The following FBXW7 variants were observed in gnomAD, a reference collection of about 807,000 sequenced individuals.
The protein encoded by FBXW7 is F-box/WD repeat-containing protein 7.
In FBXW7, 11 loss-of-function variants were observed where a neutral mutation model predicts 86.3. The observed-to-expected ratio is 0.13, with a 90% CI of 0.08 to 0.21. The LOEUF (loss-of-function observed/expected upper bound fraction) is 0.21, where lower values mean the gene tolerates loss of function less well. FBXW7 is among the 10% of genes least tolerant of loss of function. The pLI, the probability that FBXW7 is intolerant of heterozygous loss-of-function variation, is 1.00. For synonymous variants in FBXW7, 313 were observed against 297.9 expected (o/e 1.05, Z -0.52); for missense variants, 488 against 847.4 (o/e 0.58, Z 5.27).
intron 2 of FBXW7, among the ~76,000 whole-genome samples, chr4:152,470,743 T>C (rs1031332878): frequency 1.3e-5 from 2 of 152,138 alleles, no homozygotes; most frequent in African/African-American, 4.8e-5. Context: ...AAGCTCTTCT[T>C]GTCTGCCAGG....
chr4:152,417,406 A>G (rs536853286), intron 2 of FBXW7, among the ~76,000 whole-genome samples: 2 of 152,188 alleles, frequency 1.3e-5, no homozygotes, highest in South Asian at 4.2e-4. Flanking sequence ...TTTAGTCAAA[A>G]AGCTATTAGA....
intron 2 of FBXW7, among the ~76,000 whole-genome samples, chr4:152,458,006 TG>T (rs1194337623): frequency 1.3e-5 from 2 of 151,898 alleles, no homozygotes; most frequent in Non-Finnish European, 2.9e-5. Context: ...CTTTGTTTTT[TG>T]TTTTGTTTTG....
intron 2 of FBXW7, among the ~76,000 whole-genome samples, chr4:152,534,110 T>C (rs1750253807): frequency 6.6e-6 from 1 of 152,200 alleles, no homozygotes; most frequent in Admixed American, 6.5e-5. Context: ...TCAAAGGTTT[T>C]ATAAACTTCA....
intron 2 of FBXW7, among the ~76,000 whole-genome samples, chr4:152,428,977 G>A (rs1428204025): frequency 6.6e-6 from 1 of 152,140 alleles, no homozygotes; most frequent in Non-Finnish European, 1.5e-5. Context: ...ATCACCTGAG[G>A]TAGGGAGTTT....
chr4:152,369,530 T>C (rs1733816542), intron 4 of FBXW7, among the ~76,000 whole-genome samples: 1 of 152,074 alleles, frequency 6.6e-6, no homozygotes, highest in South Asian at 2.1e-4. Context: ...CTTTTAAATA[T>C]TAAGTCGGGG....
intron 12 of FBXW7, 22 bp from the exon 13 acceptor site, chr4:152,324,416 A>G (rs1728816905): frequency 2.0e-6 from 3 of 1,535,954 alleles, no homozygotes; most frequent in Non-Finnish European, 2.7e-6. Context: ...ACAGTTTATT[A>G]GAATAGAAGT....
chr4:152,535,940 C>CA lies in FBXW7; in HGVS notation c.-1027_-1026insT, dbSNP rs1750523950. 3.3e-6 allele frequency: 1 copy of CA among 306,364 alleles called. No individual in the cohort carries two copies. The highest frequency in any genetic ancestry group is 2.2e-5 in the African/African-American group (1 of 46,094). 19.0% of individuals were successfully genotyped at this position (306,364 alleles called of 1,614,324 possible). ...CTGGCCCAGGTGAGAGCGAAGGTCT[C>CA]GGCGGCGGCCAGTGCAGGGGGACTG... On this transcript the variant is annotated 5_prime_UTR_variant, in exon 1 of 14. Coordinates refer to ENST00000281708, the MANE Select transcript of FBXW7 (RefSeq NM_001349798.2).
intron 2 of FBXW7, among the ~76,000 whole-genome samples, chr4:152,479,428 T>C (rs1744688461): frequency 2.0e-5 from 3 of 152,124 alleles, no homozygotes; most frequent in Admixed American, 2.0e-4. Context: ...TGTATAACAT[T>C]TGCCTGTTAA....
intron 4 of FBXW7, among the ~76,000 whole-genome samples, chr4:152,371,582 TG>T (rs1490503348): frequency 5.9e-5 from 9 of 151,996 alleles, no homozygotes; most frequent in African/African-American, 2.2e-4. Flanking sequence ...TGTATACATA[TG>T]AAAAAACTAT....
chr4:152,447,531 A>G (rs1741522198), intron 2 of FBXW7, among the ~76,000 whole-genome samples: 1 of 152,230 alleles, frequency 6.6e-6, no homozygotes, highest in Non-Finnish European at 1.5e-5. Flanking sequence ...TATTTGAACC[A>G]ATTATTTGTT....
At chr4:152,501,559 T>A (rs1050439433) in intron 2 of FBXW7, among the ~76,000 whole-genome samples, 1 of 152,016 alleles carries the variant, frequency 6.6e-6, no homozygotes, top group African/African-American at 2.4e-5. Context: ...CACAGAGGAG[T>A]TGAAGTACTT....
At chr4:152,508,976 T>G (rs571517780) in intron 2 of FBXW7, among the ~76,000 whole-genome samples, 1 of 152,310 alleles carries the variant, frequency 6.6e-6, no homozygotes, top group African/African-American at 2.4e-5. Flanking sequence ...TAATCAAAAA[T>G]GCTTAAAATT....
At chr4:152,477,030 T>C (rs1744469221) in intron 2 of FBXW7, among the ~76,000 whole-genome samples, 1 of 151,482 alleles carries the variant, frequency 6.6e-6, no homozygotes, top group African/African-American at 2.4e-5. Flanking sequence ...CACTACTATA[T>C]GGGAACCAGG....
chr4:152,507,540 T>C (rs992486337), intron 2 of FBXW7, among the ~76,000 whole-genome samples: 4 of 152,324 alleles, frequency 2.6e-5, no homozygotes, highest in South Asian at 2.1e-4. Context: ...ATAAACTAAT[T>C]TCTGTACATC....
chr4:152,338,700 C>T (rs1414052426), intron 6 of FBXW7, among the ~76,000 whole-genome samples: 6 of 152,008 alleles, frequency 3.9e-5, no homozygotes, highest in Non-Finnish European at 5.9e-5. Context: ...CACAGAAAAG[C>T]CATGGTTCTT....
intron 2 of FBXW7, among the ~76,000 whole-genome samples, chr4:152,475,641 T>C (rs1030800496): frequency 1.3e-5 from 2 of 152,254 alleles, no homozygotes; most frequent in African/African-American, 2.4e-5. Flanking sequence ...AAGGGTTTTA[T>C]GATTATGATT....
chr4:152,362,553 G>C (rs1341078773), intron 4 of FBXW7, among the ~76,000 whole-genome samples: 1 of 152,156 alleles, frequency 6.6e-6, no homozygotes, highest in African/African-American at 2.4e-5. Context: ...GCTCATGCCT[G>C]TAATCCCAGC....
At chr4:152,420,644 T>C (rs780091385) in intron 2 of FBXW7, among the ~76,000 whole-genome samples, 9 of 152,192 alleles carry the variant, frequency 5.9e-5, no homozygotes, top group Admixed American at 5.2e-4. Context: ...TTATCAAGCA[T>C]GAAAAAATAG....
intron 2 of FBXW7, among the ~76,000 whole-genome samples, chr4:152,509,229 A>G (rs1747732776): frequency 1.3e-5 from 2 of 152,222 alleles, no homozygotes; most frequent in Admixed American, 1.3e-4. Flanking sequence ...AAGTCTGTAG[A>G]CTATCAGTAT....
Sources: allele counts gnomAD v4.1 joint callset (sites outside exome capture counted in the v4.1 genomes callset), GRCh38; gene constraint gnomAD v4.1.1; transcripts MANE v1.5; gene names NCBI Gene and HGNC (gene_info 2026-07-23, HGNC 2026-07-21).